Variants in MED13 observed in about 807,000 individuals in gnomAD.
MED13 encodes the protein mediator complex subunit 13.
MED13 carries 23 observed loss-of-function variants against 225.2 expected under a neutral mutation model. The observed-to-expected ratio is 0.10, with a 90% CI of 0.07 to 0.14. The LOEUF (loss-of-function observed/expected upper bound fraction) is 0.14. Among genes scored for constraint, MED13 ranks in the 10% least tolerant of loss-of-function variants. The pLI is 1.00. For missense variants in MED13, 2,197 were observed against 2,594.5 expected (o/e 0.85, Z 3.33); for synonymous variants, 942 against 889.2 (o/e 1.06, Z -1.06).
chr17:61,978,995 T>C (rs1477174674), intron 16 of MED13, among the ~76,000 whole-genome samples: 1 of 152,206 alleles, frequency 6.6e-6, no homozygotes, highest in East Asian at 1.9e-4. Context: ...TTATTAAATG[T>C]TTCTCCCTAT....
intron 8 of MED13, among the ~76,000 whole-genome samples, chr17:62,021,910 T>C (rs1033140595): frequency 2.0e-5 from 3 of 152,156 alleles, no homozygotes; most frequent in Non-Finnish European, 4.4e-5. Flanking sequence ...CTCACGTCTG[T>C]AATTCCTGCA....
chr17:62,064,596 T>C (rs1048727717), intron 1 of MED13, among the ~76,000 whole-genome samples: 2 of 152,190 alleles, frequency 1.3e-5, no homozygotes, highest in Non-Finnish European at 1.5e-5. Flanking sequence ...TGGCACCTAC[T>C]GGCTTTTACA....
At chr17:62,059,716 G>A (rs965141135) in intron 2 of MED13, among the ~76,000 whole-genome samples, 10 of 152,324 alleles carry the variant, frequency 6.6e-5, no homozygotes, top group African/African-American at 1.9e-4. Context: ...ATTACCCCAA[G>A]AGGGAGGTAG....
At chr17:61,963,669 C>G (rs1382152743) in intron 20 of MED13, among the ~76,000 whole-genome samples, 1 of 152,080 alleles carries the variant, frequency 6.6e-6, no homozygotes, top group East Asian at 1.9e-4. Flanking sequence ...AAGTTTCATT[C>G]TTTGATGGGT....
At chr17:62,010,510 C>A in intron 9 of MED13, 40 bp downstream of exon 9, 1 of 1,314,202 alleles carries the variant, frequency 7.6e-7, no homozygotes, top group Non-Finnish European at 1.0e-6. Flanking sequence ...ATCACTTCCA[C>A]CCTTAAATTA....
At chr17:62,042,342 T>C (rs555226561) in intron 3 of MED13, among the ~76,000 whole-genome samples, 1 of 152,156 alleles carries the variant, frequency 6.6e-6, no homozygotes, top group Non-Finnish European at 1.5e-5. Flanking sequence ...GGCGGGTGGA[T>C]CATGAGGTCA....
intron 3 of MED13, among the ~76,000 whole-genome samples, chr17:62,048,017 CAT>C (rs1266597604): frequency 8.1e-6 from 1 of 123,508 alleles, no homozygotes; most frequent in Non-Finnish European, 1.6e-5. Flanking sequence ...GGTATATATA[CAT>C]ATATACATAT....
At chr17:61,951,352 AC>A in intron 27 of MED13, among the ~76,000 whole-genome samples, 1 of 152,286 alleles carries the variant, frequency 6.6e-6, no homozygotes, top group East Asian at 1.9e-4. Flanking sequence ...TGAAAACCAC[AC>A]CCCAATCAAA....
intron 2 of MED13, among the ~76,000 whole-genome samples, chr17:62,053,861 G>T (rs937432615): frequency 5.9e-5 from 9 of 151,978 alleles, no homozygotes; most frequent in African/African-American, 1.9e-4. Flanking sequence ...ACAACAAATG[G>T]GTAGAATAAA....
chr17:61,955,367 G>T lies in MED13; in HGVS notation c.5968+15C>A. On this transcript the variant is annotated intron_variant, in intron 26 of 29. Coordinates refer to ENST00000397786, the MANE Select transcript of MED13 (RefSeq NM_005121.3). ...GGGTATTCTTCAGACTACCAAAATG[G>T]AACAAATTACGTACCATTGTTGGGA... 6.7e-7 allele frequency: 1 copy of T among 1,500,038 alleles called. No individual in the cohort carries two copies. The highest frequency in any genetic ancestry group is 1.4e-5 in the South Asian group (1 of 72,038). 92.9% of individuals were successfully genotyped at this position (1,500,038 alleles called of 1,614,324 possible).
intron 12 of MED13, 118 bp from the exon 13 acceptor site, chr17:61,985,208 C>A: frequency 1.3e-6 from 1 of 767,096 alleles, no homozygotes; most frequent in Admixed American, 2.6e-5. Context: ...TATTTTGAAT[C>A]TGTGATACAG....
intron 3 of MED13, among the ~76,000 whole-genome samples, chr17:62,037,247 T>C (rs775031568): frequency 2.7e-5 from 4 of 150,468 alleles, no homozygotes; most frequent in Non-Finnish European, 5.9e-5. Context: ...AGTAAGACTG[T>C]CTCAAAAAAC....
chr17:62,029,785 A>G, intron 7 of MED13, 66 bp downstream of exon 7: 3 of 1,524,298 alleles, frequency 2.0e-6, no homozygotes, highest in Non-Finnish European at 2.7e-6. Context: ...TTTATACTTT[A>G]GATATCTTCT....
intron 8 of MED13, among the ~76,000 whole-genome samples, chr17:62,020,942 T>C (rs894785800): frequency 1.9e-4 from 29 of 151,060 alleles, no homozygotes; most frequent in African/African-American, 4.6e-4. Flanking sequence ...CATCTTGCAC[T>C]GCCCTTAATC....
intron 2 of MED13, among the ~76,000 whole-genome samples, chr17:62,052,964 G>C (rs1021206675): frequency 6.6e-6 from 1 of 152,164 alleles, no homozygotes; most frequent in African/African-American, 2.4e-5. Context: ...ATGACATCAT[G>C]AACATACTGA....
chr17:61,985,670 TTAAAA>T (rs1220322356), intron 12 of MED13, among the ~76,000 whole-genome samples: 3 of 152,260 alleles, frequency 2.0e-5, no homozygotes, highest in Middle Eastern at 6.8e-3. Flanking sequence ...GACTCTTGTC[TTAAAA>T]TAAATAAAAA....
chr17:61,989,115 G>A (rs1370033049), intron 11 of MED13, among the ~76,000 whole-genome samples: 6 of 150,014 alleles, frequency 4.0e-5, no homozygotes, highest in Non-Finnish European at 8.9e-5. Context: ...GGATTCAAGC[G>A]ATTCTCCTGC....
At chr17:61,999,003 A>G (rs1380993694) in intron 9 of MED13, among the ~76,000 whole-genome samples, 1 of 149,342 alleles carries the variant, frequency 6.7e-6, no homozygotes, top group Non-Finnish European at 1.5e-5. Flanking sequence ...TCACTGTCAA[A>G]GGAAAGCTTT....
intron 8 of MED13, among the ~76,000 whole-genome samples, chr17:62,012,516 G>A (rs1207747001): frequency 2.0e-5 from 3 of 151,506 alleles, no homozygotes; most frequent in Non-Finnish European, 2.9e-5. Context: ...TTTTAGTAGA[G>A]ACGGGGTTTT....
Sources: gnomAD v4.1 joint callset for allele counts (sites outside exome capture counted in the v4.1 genomes callset) on GRCh38, gnomAD v4.1.1 for gene constraint, MANE v1.5 for transcripts, NCBI Gene and HGNC (gene_info 2026-07-23, HGNC 2026-07-21) for gene names.